Variants in SMC1B observed in about 807,000 individuals in gnomAD.
SMC1B encodes the protein structural maintenance of chromosomes protein 1B.
SMC1B carries 60 observed loss-of-function variants against 157.9 expected under a neutral mutation model. That is an observed-to-expected ratio of 0.38 (90% CI 0.31 to 0.47). The LOEUF is 0.47. Among genes scored for constraint, SMC1B ranks in the 20% least tolerant of loss-of-function variants. SMC1B has a pLI of 0.99. For synonymous variants in SMC1B, 445 were observed against 483.0 expected (o/e 0.92, Z 1.03); for missense variants, 1,165 against 1,426.2 (o/e 0.82, Z 2.95).
chr22:45,398,477 C>G (rs1458657839), intron 6 of SMC1B, among the ~76,000 whole-genome samples: 2 of 152,174 alleles, frequency 1.3e-5, no homozygotes, highest in East Asian at 3.9e-4. Context: ...TGGGACCAAG[C>G]AAGGCCTGAG....
intron 12 of SMC1B, among the ~76,000 whole-genome samples, chr22:45,373,904 T>A (rs931197931): frequency 1.3e-5 from 2 of 152,098 alleles, no homozygotes; most frequent in South Asian, 4.1e-4. Context: ...TAATAGATAT[T>A]TCATTATTTG....
At position 45,355,122 on chromosome 22, in the gene SMC1B, T is replaced by C; in HGVS notation, c.2962-7A>G. ...CTTGATCAGACTGTAGAGCCTATTA[T>C]GGGCAAAGAACAACACTGACTGGCA... On this transcript the variant is annotated splice_region_variant and splice_polypyrimidine_tract_variant and intron_variant, in intron 19 of 24. Coordinates refer to ENST00000357450, the MANE Select transcript of SMC1B (RefSeq NM_148674.5). 1 of 1,614,076 alleles carries C rather than the reference T, an allele frequency of 6.2e-7. No homozygotes were observed. The highest frequency in any genetic ancestry group is 8.5e-7 in the Non-Finnish European group (1 of 1,179,974).
chr22:45,363,752 T>C (rs1423557399), intron 15 of SMC1B, among the ~76,000 whole-genome samples: 1 of 152,180 alleles, frequency 6.6e-6, no homozygotes, highest in Non-Finnish European at 1.5e-5. Flanking sequence ...TATCCACACA[T>C]TGCATACAGA....
At chr22:45,360,440 CA>C (rs1441228293) in intron 17 of SMC1B, among the ~76,000 whole-genome samples, 1 of 150,046 alleles carries the variant, frequency 6.7e-6, no homozygotes, top group Non-Finnish European at 1.5e-5. Flanking sequence ...GAAAAAGGAC[CA>C]AAAGAAAATG....
chr22:45,413,591 C>A lies in SMC1B; in HGVS notation c.-24G>T. ...ATGGCGCCGCCCTCCACGCCTCACC[C>A]GCGTTATCAAGCGCCCGCGGAAAAA... On this transcript the variant is annotated 5_prime_UTR_variant, in exon 1 of 25. Coordinates refer to ENST00000357450, the MANE Select transcript of SMC1B (RefSeq NM_148674.5). The A allele has an allele frequency of 6.3e-7, 1 of 1,577,374 alleles. No homozygotes were observed. The highest frequency in any genetic ancestry group is 8.6e-7 in the Non-Finnish European group (1 of 1,159,350).
chr22:45,392,349 A>G (rs1384331230), intron 9 of SMC1B, among the ~76,000 whole-genome samples: 2 of 152,224 alleles, frequency 1.3e-5, no homozygotes, highest in South Asian at 2.1e-4. Context: ...GAATTAGTCA[A>G]TTTATCAGTT....
intron 10 of SMC1B, 110 bp from the exon 11 acceptor site, chr22:45,387,156 A>C: frequency 1.0e-6 from 1 of 969,098 alleles, no homozygotes; most frequent in Non-Finnish European, 1.5e-6. Flanking sequence ...AAAGATCAAC[A>C]GTATGTACCC....
At chr22:45,410,689 C>T (rs1211988518) in intron 1 of SMC1B, among the ~76,000 whole-genome samples, 1 of 152,124 alleles carries the variant, frequency 6.6e-6, no homozygotes, top group Non-Finnish European at 1.5e-5. Context: ...GGCAAGAGAG[C>T]AAGACTCCAT....
At chr22:45,382,749 T>C (rs138700926) in intron 12 of SMC1B, among the ~76,000 whole-genome samples, 1,770 of 152,190 alleles carry the variant, frequency 0.012, 35 homozygotes, top group African/African-American at 0.041. Flanking sequence ...ACTAGAAAAA[T>C]GTGCAGAGAA....
chr22:45,412,304 G>A (rs528913158), intron 1 of SMC1B, among the ~76,000 whole-genome samples: 1 of 151,948 alleles, frequency 6.6e-6, no homozygotes, highest in Non-Finnish European at 1.5e-5. Flanking sequence ...GGGTTCAAGC[G>A]ATTCTCCTGC....
At position 45,373,811 on chromosome 22, in the gene SMC1B, A is replaced by C. The variant is rs62231143; in HGVS notation, c.2059-1519T>G. ...TGCAGTTTTCATAAATAATCTAGGT[A>C]AATGATTAAAATAATTAGGCAAATG... On this transcript the variant is annotated intron_variant, in intron 12 of 24. Transcript: ENST00000357450. 2.9e-3 allele frequency among the ~76,000 whole-genome samples: 442 copies of C among 152,340 alleles called. 1 individual carries two copies. Among genetic ancestry groups the C allele is most frequent in the Non-Finnish European group, 4.4e-3 (302 of 68,036 alleles).
At chr22:45,398,980 T>C in intron 6 of SMC1B, 115 bp downstream of exon 6, 1 of 1,055,572 alleles carries the variant, frequency 9.5e-7, no homozygotes, top group East Asian at 2.4e-5. Flanking sequence ...CCCCACAATT[T>C]ACATTGAGGA....
chr22:45,368,771 G>A (rs779240872), intron 15 of SMC1B, among the ~76,000 whole-genome samples: 5 of 151,906 alleles, frequency 3.3e-5, no homozygotes, highest in East Asian at 1.9e-4. Flanking sequence ...TGCCTCGGTC[G>A]GCCTCCCAAA....
intron 15 of SMC1B, among the ~76,000 whole-genome samples, chr22:45,369,140 C>G (rs1034765091): frequency 1.3e-5 from 2 of 152,212 alleles, no homozygotes; most frequent in Non-Finnish European, 2.9e-5. Flanking sequence ...CTCTGTCGCC[C>G]AGGCTAAGTG....
chr22:45,399,919 A>G (rs567572794), intron 5 of SMC1B, among the ~76,000 whole-genome samples: 2 of 152,322 alleles, frequency 1.3e-5, no homozygotes, highest in African/African-American at 2.4e-5. Context: ...AATTAAGCAA[A>G]TGGATGGCAG....
intron 20 of SMC1B, 77 bp downstream of exon 20, chr22:45,354,882 G>A (rs2086654704): frequency 1.5e-6 from 2 of 1,371,614 alleles, no homozygotes; most frequent in African/African-American, 2.9e-5. Context: ...GACAACAGAG[G>A]GGAGATTGTT....
intron 10 of SMC1B, among the ~76,000 whole-genome samples, chr22:45,388,030 C>A (rs1420440217): frequency 1.5e-4 from 21 of 144,584 alleles, no homozygotes; most frequent in African/African-American, 2.5e-4. Flanking sequence ...GAGCCTCTGT[C>A]AAAAAAAAAA....
At chr22:45,355,207 G>T in intron 19 of SMC1B, 92 bp from the exon 20 acceptor site, 1 of 1,278,412 alleles carries the variant, frequency 7.8e-7, no homozygotes, top group Non-Finnish European at 1.1e-6. Flanking sequence ...CACCATCCCA[G>T]GTCCCTGTGC....
chr22:45,347,551 C>T (rs1175017256), intron 23 of SMC1B, among the ~76,000 whole-genome samples: 3 of 152,152 alleles, frequency 2.0e-5, no homozygotes, highest in Non-Finnish European at 2.9e-5. Flanking sequence ...CTCTCAGCCA[C>T]GGGCTCCTTA....
Sources: gnomAD v4.1 joint callset for allele counts (sites outside exome capture counted in the v4.1 genomes callset) on GRCh38, gnomAD v4.1.1 for gene constraint, MANE v1.5 for transcripts, NCBI Gene and HGNC (gene_info 2026-07-23, HGNC 2026-07-21) for gene names.